SYNDIG1: variants seen among roughly 807,000 people sequenced by gnomAD.
The protein encoded by SYNDIG1 is synapse differentiation-inducing gene protein 1.
SYNDIG1 carries 9 observed loss-of-function variants against 19.4 expected under a neutral mutation model. The ratio of observed to expected loss-of-function variants is 0.46; its 90% CI spans 0.28 to 0.81. SYNDIG1 has a LOEUF of 0.81. Among genes scored for constraint, SYNDIG1 ranks in the 30% least tolerant of loss-of-function variants. SYNDIG1 has a pLI of 0.12. For missense variants in SYNDIG1, 311 were observed against 343.3 expected (o/e 0.91, Z 0.74); for synonymous variants, 141 against 145.9 (o/e 0.97, Z 0.24).
At position 24,568,072 on chromosome 20, in the gene SYNDIG1, C is replaced by T. The variant is rs1453968400; in HGVS notation, c.481-16784C>T. Reference sequence around the variant, plus strand: ...AGGAGAATCGCTTGAATCCGGGAGGCAGAGGTTGCAGTGAGTTGAGATCGC... The same window carrying T: ...AGGAGAATCGCTTGAATCCGGGAGGTAGAGGTTGCAGTGAGTTGAGATCGC... On this transcript the variant is annotated intron_variant, in intron 2 of 3. Transcript: ENST00000376862. Among the ~76,000 whole-genome samples the T allele has an allele frequency of 3.9e-5, 6 of 152,170 alleles. No individual in the cohort carries two copies. In the South Asian group the frequency reaches 8.3e-4, roughly 21 times the overall value.
intron 3 of SYNDIG1, among the ~76,000 whole-genome samples, chr20:24,623,657 A>G (rs972949772): frequency 6.6e-6 from 1 of 152,232 alleles, no homozygotes; most frequent in African/African-American, 2.4e-5. Flanking sequence ...CTCTGTTGTG[A>G]GGTACCCGCA....
chr20:24,586,319 T>A (rs1293967679), intron 3 of SYNDIG1, among the ~76,000 whole-genome samples: 7 of 152,194 alleles, frequency 4.6e-5, no homozygotes, highest in Non-Finnish European at 1.0e-4. Flanking sequence ...GAGCTTCTCT[T>A]GTGACTTCGT....
intron 1 of SYNDIG1, among the ~76,000 whole-genome samples, chr20:24,526,061 CT>C (rs2057116794): frequency 6.6e-6 from 1 of 152,002 alleles, no homozygotes; most frequent in African/African-American, 2.4e-5. Flanking sequence ...TAGGATTTTC[CT>C]TGTATATATG....
chr20:24,598,318 T>G lies in SYNDIG1; in HGVS notation c.618+13325T>G, dbSNP rs766510555. On this transcript the variant is annotated intron_variant, in intron 3 of 3. Coordinates refer to ENST00000376862, the MANE Select transcript of SYNDIG1 (RefSeq NM_024893.3). ...AATTAGTACTAGTATTATCACCATT[T>G]TACAGATGATAAATTTTATGAATTG... 1.4e-4 allele frequency among the ~76,000 whole-genome samples: 22 copies of G among 152,350 alleles called. 1 individual carries two copies. The highest frequency in any genetic ancestry group is 2.5e-4 in the Non-Finnish European group (17 of 68,030).
rs747730431 is a variant in SYNDIG1 at position 24,543,483 on chromosome 20, C to T, written c.386C>T (p.Pro129Leu). ...RSPTKDSLEY[P>L]DGKFIDLSAD... ...CCCACCAAAGACAGCCTCGAGTACC[C>T]GGATGGGAAGTTCATTGACCTCTCA... The change falls in exon 2 of 4, where the codon CCG (proline) becomes CTG (leucine). Residue 129 changes from proline to leucine, a missense_variant. Coordinates refer to ENST00000376862, the MANE Select transcript of SYNDIG1 (RefSeq NM_024893.3). The T allele has an allele frequency of 1.3e-5, 21 of 1,612,910 alleles. No individual in the cohort carries two copies. The Middle Eastern group carries it at 1.5e-3, about 114-fold the overall frequency.
chr20:24,575,750 G>A (rs1843869116), intron 2 of SYNDIG1, among the ~76,000 whole-genome samples: 1 of 152,158 alleles, frequency 6.6e-6, no homozygotes, highest in South Asian at 2.1e-4. Context: ...ATACTACTAG[G>A]AGGAAAAATC....
At chr20:24,653,878 C>T (rs1301101051) in intron 3 of SYNDIG1, among the ~76,000 whole-genome samples, 6 of 152,190 alleles carry the variant, frequency 3.9e-5, no homozygotes. Context: ...GTCATCTCTT[C>T]CTGTAAGGAC....
intron 1 of SYNDIG1, among the ~76,000 whole-genome samples, chr20:24,472,525 G>A (rs535283910): frequency 1.2e-4 from 19 of 152,328 alleles, no homozygotes; most frequent in African/African-American, 3.8e-4. Flanking sequence ...GTTTTCTTAT[G>A]TAAGATTTCT....
At chr20:24,481,247 A>G (rs2055788553) in intron 1 of SYNDIG1, among the ~76,000 whole-genome samples, 1 of 152,202 alleles carries the variant, frequency 6.6e-6, no homozygotes, top group Non-Finnish European at 1.5e-5. Flanking sequence ...CTCAGTGTTC[A>G]TGGATCTGTG....
At chr20:24,564,113 A>T (rs1484377821) in intron 2 of SYNDIG1, among the ~76,000 whole-genome samples, 1 of 152,212 alleles carries the variant, frequency 6.6e-6, no homozygotes, top group Non-Finnish European at 1.5e-5. Context: ...CAATGTAGAT[A>T]AAAACAGCAT....
chr20:24,622,506 A>C (rs2059054725), intron 3 of SYNDIG1, among the ~76,000 whole-genome samples: 1 of 152,200 alleles, frequency 6.6e-6, no homozygotes, highest in Admixed American at 6.5e-5. Flanking sequence ...TTACCACCTG[A>C]GCTCTGCCTC....
chr20:24,598,270 T>G (rs2058626914), intron 3 of SYNDIG1, among the ~76,000 whole-genome samples: 1 of 152,238 alleles, frequency 6.6e-6, no homozygotes, highest in Admixed American at 6.5e-5. Context: ...CAATTCCACC[T>G]AATTCCCACA....
chr20:24,489,310 G>T (rs1010697231), intron 1 of SYNDIG1, among the ~76,000 whole-genome samples: 1 of 144,964 alleles, frequency 6.9e-6, no homozygotes, highest in Admixed American at 6.9e-5. Context: ...GCAGGCACAC[G>T]CAGACACATG....
At chr20:24,551,408 A>AT in intron 2 of SYNDIG1, among the ~76,000 whole-genome samples, 1 of 152,184 alleles carries the variant, frequency 6.6e-6, no homozygotes, top group Middle Eastern at 3.4e-3. Context: ...GAAATTGATC[A>AT]TTTTTTGGAT....
intron 3 of SYNDIG1, among the ~76,000 whole-genome samples, chr20:24,661,557 A>G (rs1289159291): frequency 2.9e-4 from 11 of 37,942 alleles, no homozygotes; most frequent in East Asian, 1.0e-3. Flanking sequence ...GGGAGGAAAA[A>G]AGAGAGGAAG....
chr20:24,518,985 G>A (rs950849333), intron 1 of SYNDIG1, among the ~76,000 whole-genome samples: 1 of 152,174 alleles, frequency 6.6e-6, no homozygotes, highest in Non-Finnish European at 1.5e-5. Flanking sequence ...TTGCTAGGGC[G>A]GCGCAGCCCA....
intron 3 of SYNDIG1, among the ~76,000 whole-genome samples, chr20:24,627,321 C>T (rs1198233911): frequency 6.6e-6 from 1 of 152,156 alleles, no homozygotes; most frequent in Non-Finnish European, 1.5e-5. Flanking sequence ...AAGGGATAAC[C>T]TGATTGCTCT....
At chr20:24,659,301 T>A (rs1159131554) in intron 3 of SYNDIG1, among the ~76,000 whole-genome samples, 1 of 152,236 alleles carries the variant, frequency 6.6e-6, no homozygotes, top group African/African-American at 2.4e-5. Context: ...CCTGCCTGCA[T>A]GGGGTTCTGC....
chr20:24,480,400 C>G (rs568135419), intron 1 of SYNDIG1, among the ~76,000 whole-genome samples: 1 of 152,094 alleles, frequency 6.6e-6, no homozygotes, highest in East Asian at 1.9e-4. Flanking sequence ...GATAATAAAA[C>G]GAAGTGTTCA....
Sources: gnomAD v4.1 joint callset for allele counts (sites outside exome capture counted in the v4.1 genomes callset) on GRCh38, gnomAD v4.1.1 for gene constraint, MANE v1.5 for transcripts, NCBI Gene and HGNC (gene_info 2026-07-23, HGNC 2026-07-21) for gene names.